TP63: variants seen among roughly 807,000 people sequenced by gnomAD.
TP63 encodes the protein tumor protein 63.
In TP63, 17 loss-of-function variants were observed where a neutral mutation model predicts 82.8. That is an observed-to-expected ratio of 0.21 (90% CI 0.14 to 0.31). TP63 has a LOEUF of 0.31. TP63 is among the 10% of genes least tolerant of loss of function. TP63 has a pLI of 1.00. For missense variants in TP63, 648 were observed against 895.3 expected (o/e 0.72, Z 3.52); for synonymous variants, 330 against 321.7 (o/e 1.03, Z -0.28).
chr3:189,853,510 T>C (rs1176126610), intron 4 of TP63, among the ~76,000 whole-genome samples: 1 of 152,220 alleles, frequency 6.6e-6, no homozygotes, highest in Non-Finnish European at 1.5e-5. Flanking sequence ...TCCAGGTATA[T>C]ATATGGCCCA....
In TP63 at chr3:189,730,791, A is replaced by C. The variant is rs533747380; in HGVS notation, c.63-6949A>C. Among the ~76,000 whole-genome samples, 30 of 152,312 alleles carry C rather than the reference A, an allele frequency of 2.0e-4. 1 individual carries two copies. Among genetic ancestry groups the C allele is most frequent in the African/African-American group, 7.2e-4 (30 of 41,582 alleles). On this transcript the variant is annotated intron_variant, in intron 1 of 13. Transcript: ENST00000264731. ...CTCTTACAACTGCTGACACCCTGTC[A>C]AGGAGGCCTTTGAGCCAGGAGATCT...
intron 1 of TP63, among the ~76,000 whole-genome samples, chr3:189,682,552 AAATATATATATATATATATAT>A (rs1213870789): frequency 5.4e-4 from 13 of 24,042 alleles, no homozygotes; most frequent in South Asian, 2.0e-3. Context: ...AAAAAAAAAA[AAATATATATATATATATATAT>A]ATATATATAT....
intron 1 of TP63, among the ~76,000 whole-genome samples, chr3:189,662,487 ATG>A (rs1713971055): frequency 6.6e-6 from 1 of 151,978 alleles, no homozygotes; most frequent in African/African-American, 2.4e-5. Flanking sequence ...ATGGTTAAGT[ATG>A]TGTACATTCC....
At chr3:189,655,003 C>T (rs1352590455) in intron 1 of TP63, among the ~76,000 whole-genome samples, 1 of 152,074 alleles carries the variant, frequency 6.6e-6, no homozygotes, top group Non-Finnish European at 1.5e-5. Context: ...TCTGCAGTGA[C>T]TACTGCAGTG....
intron 3 of TP63, among the ~76,000 whole-genome samples, chr3:189,802,121 T>A (rs915274885): frequency 4.6e-5 from 7 of 152,168 alleles, no homozygotes; most frequent in African/African-American, 1.7e-4. Context: ...GACGAAAAAA[T>A]GACAAGTATG....
intron 1 of TP63, among the ~76,000 whole-genome samples, chr3:189,701,487 G>C (rs764580519): frequency 2.7e-5 from 4 of 147,936 alleles, no homozygotes; most frequent in Non-Finnish European, 5.9e-5. Context: ...GGGTGTATGA[G>C]AACTGATTTT....
At chr3:189,679,904 T>C (rs1036033213) in intron 1 of TP63, among the ~76,000 whole-genome samples, 2 of 152,162 alleles carry the variant, frequency 1.3e-5, no homozygotes, top group Non-Finnish European at 2.9e-5. Flanking sequence ...CTTGGCACTT[T>C]GTGGAAAAAA....
chr3:189,686,757 G>A (rs1577240432), intron 1 of TP63, among the ~76,000 whole-genome samples: 1 of 143,836 alleles, frequency 7.0e-6, no homozygotes, highest in African/African-American at 2.6e-5. Flanking sequence ...TTGAGACAGA[G>A]TCTTACTCTG....
the TP63 span, among the ~76,000 whole-genome samples, chr3:189,625,308 G>A: frequency 1.3e-3 from 194 of 152,148 alleles, no homozygotes; most frequent in Admixed American, 2.0e-3. Context: ...AGATGGACAC[G>A]GCATCACTTT....
Position 189,720,207 on chromosome 3 carries a change from C to T in TP63, c.63-17533C>T, listed in dbSNP as rs1719278618. Among the ~76,000 whole-genome samples the T allele has an allele frequency of 1.3e-5, 2 of 152,234 alleles. 1 individual carries two copies. The highest frequency in any genetic ancestry group is 4.1e-4 in the South Asian group (2 of 4,828). Reference sequence around the variant, plus strand: ...GCTAAATTTGTTCATCTGTCTTCTCCCTCCATCATTCTCAGATACAGAAAT... The same window carrying T: ...GCTAAATTTGTTCATCTGTCTTCTCTCTCCATCATTCTCAGATACAGAAAT... On this transcript the variant is annotated intron_variant, in intron 1 of 13. Transcript: ENST00000264731.
intron 8 of TP63, 49 bp downstream of exon 8, chr3:189,868,765 T>C: frequency 6.2e-7 from 1 of 1,612,618 alleles, no homozygotes; most frequent in African/African-American, 1.3e-5. Context: ...CTTCTCCAGA[T>C]GTTGGAGAAT....
intron 3 of TP63, 59 bp from the exon 4 acceptor site, chr3:189,808,213 T>C: frequency 6.2e-7 from 1 of 1,614,166 alleles, no homozygotes; most frequent in Non-Finnish European, 8.5e-7. Flanking sequence ...ATGCCTTTTT[T>C]TGGAGCAATG....
At chr3:189,662,994 G>T (rs1714057729) in intron 1 of TP63, among the ~76,000 whole-genome samples, 1 of 148,554 alleles carries the variant, frequency 6.7e-6, no homozygotes. Context: ...CTTATTATGT[G>T]GCTTTCATAA....
intron 10 of TP63, among the ~76,000 whole-genome samples, chr3:189,879,076 C>G (rs1560293703): frequency 6.6e-6 from 1 of 152,198 alleles, no homozygotes; most frequent in Non-Finnish European, 1.5e-5. Context: ...ATTGCAGAAT[C>G]AGGCTCAGTC....
At chr3:189,609,295 A>C in the TP63 span, among the ~76,000 whole-genome samples, 1 of 152,190 alleles carries the variant, frequency 6.6e-6, no homozygotes, top group South Asian at 2.1e-4. Context: ...GAAAAACGGT[A>C]ATATTCAATG....
At chr3:189,782,677 A>T (rs115691737) in intron 3 of TP63, among the ~76,000 whole-genome samples, 22 of 152,300 alleles carry the variant, frequency 1.4e-4, no homozygotes, top group African/African-American at 5.3e-4. Flanking sequence ...CCTTTTAGAG[A>T]TGAAAGTTCA....
Position 189,839,550 on chromosome 3 carries a change from C to A in TP63, c.580-24682C>A, listed in dbSNP as rs542117239. ...ATTTTCTTTGTTTTGTGATTCACCCCAAAACGTATCTTCTTATACGGTAAT... is the reference window on the plus strand; with the variant it reads ...ATTTTCTTTGTTTTGTGATTCACCCAAAAACGTATCTTCTTATACGGTAAT... On this transcript the variant is annotated intron_variant, in intron 4 of 13. Transcript: ENST00000264731. Among the ~76,000 whole-genome samples the A allele has an allele frequency of 6.6e-5, 10 of 152,246 alleles. No individual in the cohort carries two copies. In the South Asian group the frequency reaches 2.1e-3, roughly 32 times the overall value.
rs1404363600 is a variant in TP63 at position 189,737,594 on chromosome 3, G to A, written c.63-146G>A. The A allele has an allele frequency of 3.9e-6, 4 of 1,024,720 alleles. No homozygotes were observed. In the African/African-American group the frequency reaches 4.9e-5, roughly 12 times the overall value. The allele number at this position is 1,024,720 out of a possible 1,614,324, so 63.5% of individuals were successfully genotyped here. The stretch of plus-strand genomic sequence containing the variant: ...TACACTACCTGAAGAAATGCCAATT[G>A]TGCAACTTGTAACATGTGCTACATA... On this transcript the variant is annotated intron_variant, in intron 1 of 13. Transcript: ENST00000264731.
intron 7 of TP63, 134 bp downstream of exon 7, chr3:189,868,076 A>T (rs1297017557): frequency 7.8e-6 from 6 of 770,002 alleles, no homozygotes; most frequent in Non-Finnish European, 1.4e-5. Flanking sequence ...AATCCTTGCT[A>T]CAAACGGTTA....
Sources: gnomAD v4.1 joint callset for allele counts (sites outside exome capture counted in the v4.1 genomes callset) on GRCh38, gnomAD v4.1.1 for gene constraint, MANE v1.5 for transcripts, NCBI Gene and HGNC (gene_info 2026-07-23, HGNC 2026-07-21) for gene names.